The following IL12RB1 variants were observed in gnomAD, a reference collection of about 807,000 sequenced individuals.
IL12RB1 encodes the protein interleukin 12 receptor subunit beta 1, also known as interleukin-12 receptor subunit beta-1.
A neutral mutation model predicts 94.4 loss-of-function variants in IL12RB1; 64 were observed. The observed-to-expected ratio is 0.68, with a 90% confidence interval of 0.55 to 0.83. IL12RB1 has a LOEUF of 0.83. Among genes scored for constraint, IL12RB1 ranks in the 40% least tolerant of loss-of-function variants. IL12RB1 has a pLI of 0.00. For missense variants in IL12RB1, 814 were observed against 855.6 expected, an observed-to-expected ratio of 0.95 and a Z score of 0.61; for synonymous variants, 362 against 355.5, an observed-to-expected ratio of 1.02 and a Z score of -0.21.
chr19:18,061,620 T>G (rs527858114), intron 14 of IL12RB1, among the ~76,000 whole-genome samples: 17 of 152,084 alleles, frequency 1.1e-4, no homozygotes, highest in Non-Finnish European at 1.9e-4. Flanking sequence ...ATCCCTTCCC[T>G]AGAAATTTCT....
At chr19:18,090,230 C>T (rs1396686023), upstream of IL12RB1, among the ~76,000 whole-genome samples, 1 of 152,092 alleles carries the variant, frequency 6.6e-6, no homozygotes, top group Non-Finnish European at 1.5e-5. Context: ...GTGGCAGGTG[C>T]CTGTAGTCCC....
At chr19:18,075,616 C>G in intron 7 of IL12RB1, 133 bp downstream of exon 7, 1 of 819,880 alleles carries the variant, frequency 1.2e-6, no homozygotes, top group Non-Finnish European at 2.1e-6. Context: ...GGGCTGGTCT[C>G]AAACCACTGG....
intron 4 of IL12RB1, among the ~76,000 whole-genome samples, chr19:18,078,939 G>A (rs886777549): frequency 6.6e-6 from 1 of 151,928 alleles, no homozygotes; most frequent in African/African-American, 2.4e-5. Context: ...AGGGGCCCAC[G>A]CCTGTACTCG....
intron 15 of IL12RB1, among the ~76,000 whole-genome samples, chr19:18,060,659 C>A (rs934773456): frequency 1.3e-5 from 2 of 152,104 alleles, no homozygotes; most frequent in African/African-American, 4.8e-5. Context: ...CCAGCCCACC[C>A]ATCAGACCCT....
chr19:18,097,757 G>A (rs2037084501), intron 1 of IL12RB1: 1 of 1,198,502 alleles, frequency 8.3e-7, no homozygotes, highest in South Asian at 4.2e-5. Context: ...CCGGGGCGGG[G>A]CCGGGGGCGG....
intron 4 of IL12RB1, among the ~76,000 whole-genome samples, chr19:18,080,163 C>T (rs888450639): frequency 6.6e-6 from 1 of 151,880 alleles, no homozygotes; most frequent in Non-Finnish European, 1.5e-5. Flanking sequence ...TCAAGCCATT[C>T]TCCCGCCTCA....
intron 7 of IL12RB1, among the ~76,000 whole-genome samples, chr19:18,074,784 G>C (rs1377242987): frequency 6.6e-6 from 1 of 151,718 alleles, no homozygotes; most frequent in African/African-American, 2.4e-5. Context: ...GGGCGCGGTG[G>C]CTCACGCCTG....
chr19:18,077,029 A>G (rs2035532517), intron 5 of IL12RB1, among the ~76,000 whole-genome samples: 1 of 152,104 alleles, frequency 6.6e-6, no homozygotes, highest in African/African-American at 2.4e-5. Flanking sequence ...ACTTTTCTGA[A>G]AATCGAAGGT....
intron 6 of IL12RB1, 39 bp from the exon 7 acceptor site, chr19:18,075,907 G>T: frequency 1.2e-6 from 2 of 1,605,734 alleles, no homozygotes; most frequent in Non-Finnish European, 1.7e-6. Flanking sequence ...CGTAAGAATT[G>T]TCCAGGACTT....
Position 18,068,476 on chromosome 19 carries a change from A to G in IL12RB1, c.1240T>C (p.Tyr414His). 2 of 1,612,080 alleles carry G rather than the reference A, an allele frequency of 1.2e-6. No individual in the cohort carries two copies. The highest frequency in any genetic ancestry group is 2.2e-5 in the East Asian group (1 of 44,858). Residue 414 changes from tyrosine to histidine, a missense_variant, in exon 11 of 17, where the codon TAC (tyrosine) becomes CAC (histidine). Coordinates refer to ENST00000593993, the MANE Select transcript of IL12RB1 (RefSeq NM_005535.3). ...ESGAMGQEKC[Y>H]YITIFASAHP... ...GCAGAGGCAAAGATGGTAATGTAGT[A>G]ACACTTTTCCTGCCCCATTGCCCCA...
intron 4 of IL12RB1, among the ~76,000 whole-genome samples, chr19:18,079,638 G>A (rs548168286): frequency 1.3e-4 from 20 of 152,006 alleles, no homozygotes; most frequent in Non-Finnish European, 2.2e-4. Flanking sequence ...GGATGGGCGC[G>A]GTGGCTCACG....
At chr19:18,062,117 C>T (rs1195849200) in intron 14 of IL12RB1, 64 bp downstream of exon 14, 4 of 1,152,930 alleles carry the variant, frequency 3.5e-6, no homozygotes, top group African/African-American at 3.0e-5. Context: ...CTAAGCTCCA[C>T]TTTAGGGCTC....
intron 1 of IL12RB1, among the ~76,000 whole-genome samples, chr19:18,096,100 T>C (rs940702179): frequency 6.6e-6 from 1 of 152,016 alleles, no homozygotes; most frequent in African/African-American, 2.4e-5. Context: ...TGGTGGCATG[T>C]GCCTGTGGTC....
intron 1 of IL12RB1, chr19:18,098,727 G>T: frequency 2.2e-6 from 1 of 456,726 alleles, no homozygotes; most frequent in Non-Finnish European, 4.4e-6. Context: ...CAAGTTTTCA[G>T]GTAGGGAACC....
At chr19:18,060,996 T>G in intron 15 of IL12RB1, 126 bp downstream of exon 15, 1 of 680,880 alleles carries the variant, frequency 1.5e-6, no homozygotes, top group South Asian at 1.6e-5. Context: ...TGGGAAGGGG[T>G]ATGGAGCACT....
intron 5 of IL12RB1, among the ~76,000 whole-genome samples, chr19:18,077,277 G>C (rs547874095): frequency 6.6e-6 from 1 of 151,916 alleles, no homozygotes; most frequent in Non-Finnish European, 1.5e-5. Flanking sequence ...CAGGACAATC[G>C]CTTGAACCCG....
chr19:18,080,766 C>CTCCA (rs1315397959), intron 4 of IL12RB1, 66 bp downstream of exon 4: 5 of 1,073,894 alleles, frequency 4.7e-6, no homozygotes, highest in African/African-American at 1.5e-5. Context: ...TCCTCTCTAG[C>CTCCA]TCCAGCCTTG....
At chr19:18,065,331 G>A (rs2034498339) in intron 12 of IL12RB1, among the ~76,000 whole-genome samples, 3 of 152,128 alleles carry the variant, frequency 2.0e-5, no homozygotes, top group Admixed American at 2.0e-4. Flanking sequence ...GAGTTCAGCT[G>A]CTGCTACATG....
chr19:18,067,018 C>A (rs1315023956), intron 11 of IL12RB1, among the ~76,000 whole-genome samples: 1 of 121,392 alleles, frequency 8.2e-6, no homozygotes, highest in African/African-American at 2.7e-5. Flanking sequence ...CAGAGCAAGA[C>A]CCTGTCTTTA....
Sources: gnomAD v4.1 joint callset for allele counts (sites outside exome capture counted in the v4.1 genomes callset) on GRCh38, gnomAD v4.1.1 for gene constraint, MANE v1.5 for transcripts, NCBI Gene and HGNC (gene_info 2026-07-23, HGNC 2026-07-21) for gene names.